SDK1: variants seen among roughly 807,000 people sequenced by gnomAD.
SDK1 encodes sidekick cell adhesion molecule 1, also known as protein sidekick-1.
A neutral mutation model predicts 245.5 loss-of-function variants in SDK1; 157 were observed. The observed-to-expected ratio is 0.64, with a 90% confidence interval of 0.56 to 0.73. The LOEUF is 0.73. SDK1 is among the 30% of genes least tolerant of loss of function. SDK1 has a pLI of 0.00. For synonymous variants in SDK1, 1,647 were observed against 1,278.5 expected, an observed-to-expected ratio of 1.29 and a Z score of -6.15; for missense variants, 3,583 against 3,002.3, an observed-to-expected ratio of 1.19 and a Z score of -4.52.
intron 28 of SDK1, among the ~76,000 whole-genome samples, chr7:4,139,284 T>C (rs1278338398): frequency 6.6e-6 from 1 of 152,224 alleles, no homozygotes; most frequent in African/African-American, 2.4e-5. Context: ...CAAAGGTGAT[T>C]TCATGGGTTT....
In SDK1 at chr7:4,026,918, T is replaced by A. The variant is rs2128156621; in HGVS notation, c.2602+9566T>A. On this transcript the variant is annotated intron_variant, in intron 17 of 44. Transcript: ENST00000404826. The surrounding 1 kb of genome is among the most constrained non-coding windows in gnomAD (Gnocchi z 4.1). ...TCCCTGGTTTCAAAGGCGTATACAT[T>A]TAATTCTATGTGGTAACCTGGAGAA... Among the ~76,000 whole-genome samples, 1 of 152,336 alleles carries A rather than the reference T, an allele frequency of 6.6e-6. No individual in the cohort carries two copies.
intron 16 of SDK1, 52 bp downstream of exon 16, chr7:4,012,287 G>C: frequency 2.1e-6 from 3 of 1,426,560 alleles, no homozygotes; most frequent in Non-Finnish European, 9.2e-7. Context: ...GTTGAGCGTC[G>C]ATTTCACAGA....
At chr7:3,682,700 A>C (rs1367570252) in intron 4 of SDK1, among the ~76,000 whole-genome samples, 1 of 147,496 alleles carries the variant, frequency 6.8e-6, no homozygotes, top group Non-Finnish European at 1.5e-5. Flanking sequence ...GGGGGATCTC[A>C]AATCAAGCGT....
At chr7:3,674,523 G>C (rs1256230739) in intron 4 of SDK1, among the ~76,000 whole-genome samples, 1 of 152,166 alleles carries the variant, frequency 6.6e-6, no homozygotes, top group Non-Finnish European at 1.5e-5. Flanking sequence ...AGTGGTTAAG[G>C]AGTTTTGGTT....
intron 30 of SDK1, among the ~76,000 whole-genome samples, chr7:4,150,829 C>T (rs1414410311): frequency 2.6e-5 from 4 of 152,240 alleles, no homozygotes; most frequent in Admixed American, 2.6e-4. Flanking sequence ...ACCCCCATCC[C>T]TGGCTTGAGG....
At chr7:4,185,745 C>G (rs750673334) in intron 35 of SDK1, among the ~76,000 whole-genome samples, 1 of 152,124 alleles carries the variant, frequency 6.6e-6, no homozygotes, top group Non-Finnish European at 1.5e-5. Context: ...AGGGCAGGGA[C>G]CCCTCTTATC....
chr7:3,802,406 G>A (rs1014368373), intron 4 of SDK1, among the ~76,000 whole-genome samples: 1 of 151,992 alleles, frequency 6.6e-6, no homozygotes, highest in African/African-American at 2.4e-5. Context: ...ATGGTGGCAC[G>A]CACCTGTAGT....
At chr7:3,855,427 G>T (rs545566615) in intron 5 of SDK1, among the ~76,000 whole-genome samples, 1 of 152,214 alleles carries the variant, frequency 6.6e-6, no homozygotes, top group South Asian at 2.1e-4. Flanking sequence ...CATTAGAAAT[G>T]GATGAACCTG....
At chr7:4,057,041 G>T (rs1035314802) in intron 19 of SDK1, among the ~76,000 whole-genome samples, 3 of 152,122 alleles carry the variant, frequency 2.0e-5, no homozygotes, top group African/African-American at 7.2e-5. Context: ...TCATCTTGAG[G>T]ACAGACTTCG....
chr7:4,080,833 C>A (rs962842567), intron 22 of SDK1, among the ~76,000 whole-genome samples: 1 of 151,588 alleles, frequency 6.6e-6, no homozygotes, highest in South Asian at 2.1e-4. Flanking sequence ...ATTGTGCACA[C>A]GTACCCTAAA....
intron 1 of SDK1, among the ~76,000 whole-genome samples, chr7:3,536,268 A>G (rs1224772566): frequency 6.6e-6 from 1 of 151,120 alleles, no homozygotes; most frequent in Non-Finnish European, 1.5e-5. Context: ...GGGTTGCACC[A>G]TGTTAGCCAG....
At chr7:3,633,723 T>TA (rs1416436371) in intron 2 of SDK1, among the ~76,000 whole-genome samples, 1 of 152,224 alleles carries the variant, frequency 6.6e-6, no homozygotes, top group Non-Finnish European at 1.5e-5. Flanking sequence ...GGCTATGTTC[T>TA]AGGGTGTGGA....
chr7:3,336,891 G>T (rs1300365924), intron 1 of SDK1, among the ~76,000 whole-genome samples: 2 of 152,214 alleles, frequency 1.3e-5, no homozygotes, highest in Non-Finnish European at 1.5e-5. Flanking sequence ...TGGGGGGCTA[G>T]TGGGTAACTG....
chr7:3,372,154 C>T (rs1781243488), intron 1 of SDK1, among the ~76,000 whole-genome samples: 1 of 152,104 alleles, frequency 6.6e-6, no homozygotes, highest in African/African-American at 2.4e-5. Flanking sequence ...AGGAGACCAC[C>T]CTTAGATTTT....
intron 14 of SDK1, among the ~76,000 whole-genome samples, chr7:3,998,653 A>G (rs1784852442): frequency 6.6e-6 from 1 of 152,296 alleles, no homozygotes; most frequent in South Asian, 2.1e-4. Context: ...CCCAGCCTCA[A>G]ACCTGAAATA....
chr7:3,778,667 C>T (rs1158365259), intron 4 of SDK1, among the ~76,000 whole-genome samples: 1 of 152,204 alleles, frequency 6.6e-6, no homozygotes, highest in African/African-American at 2.4e-5. Flanking sequence ...AACGTGAATC[C>T]ACCATGTTCC....
intron 21 of SDK1, among the ~76,000 whole-genome samples, chr7:4,078,003 G>C (rs1780806248): frequency 6.6e-6 from 1 of 152,204 alleles, no homozygotes; most frequent in Admixed American, 6.5e-5. Context: ...CTTGGACATT[G>C]TTTATCCAGG....
intron 1 of SDK1, among the ~76,000 whole-genome samples, chr7:3,531,516 G>A (rs908308703): frequency 1.3e-5 from 2 of 152,172 alleles, no homozygotes; most frequent in Non-Finnish European, 2.9e-5. Flanking sequence ...GTCCAGCCCA[G>A]TAGAGAATGT....
intron 1 of SDK1, among the ~76,000 whole-genome samples, chr7:3,379,728 G>T (rs146435095): frequency 4.7e-4 from 71 of 152,284 alleles, no homozygotes; most frequent in African/African-American, 1.6e-3. Flanking sequence ...TTTATGTACT[G>T]TATGTGAAAT....
Sources: gnomAD v4.1 joint callset for allele counts (sites outside exome capture counted in the v4.1 genomes callset) on GRCh38, gnomAD v4.1.1 for gene constraint, Gnocchi (gnomAD v3.1) non-coding constraint, MANE v1.5 for transcripts, NCBI Gene and HGNC (gene_info 2026-07-23, HGNC 2026-07-21) for gene names.